TENM3: variants seen among roughly 807,000 people sequenced by gnomAD.
TENM3 encodes the protein teneurin transmembrane protein 3, also known as teneurin-3.
Under a neutral mutation model 255.1 loss-of-function variants are expected in TENM3, and 63 were observed. The ratio of observed to expected loss-of-function variants is 0.25; its 90% confidence interval spans 0.20 to 0.30. TENM3 has a LOEUF of 0.30. TENM3 is among the 10% of genes least tolerant of loss of function. The probability of loss-of-function intolerance (pLI) is 1.00; values close to 1 mark genes in which losing one functional copy is unlikely to be tolerated. For synonymous variants in TENM3, 1,306 were observed against 1,322.3 expected (o/e 0.99, Z 0.27); for missense variants, 2,929 against 3,461.1 (o/e 0.85, Z 3.86).
chr4:181,857,679 G>A, the TENM3 span, among the ~76,000 whole-genome samples: 1 of 151,380 alleles, frequency 6.6e-6, no homozygotes, highest in Non-Finnish European at 1.5e-5. Flanking sequence ...AACCCCTTGA[G>A]CCTGGGAGGC....
chr4:182,355,838 A>T (rs1765488468), intron 3 of TENM3, among the ~76,000 whole-genome samples: 1 of 151,780 alleles, frequency 6.6e-6, no homozygotes, highest in South Asian at 2.1e-4. Context: ...AGTAATTCAC[A>T]TGAGAAGACA....
the TENM3 span, among the ~76,000 whole-genome samples, chr4:181,516,190 C>G: frequency 6.6e-6 from 1 of 151,820 alleles, no homozygotes; most frequent in Non-Finnish European, 1.5e-5. Context: ...GAACAACACA[C>G]ACTGTGGCCT....
the TENM3 span, among the ~76,000 whole-genome samples, chr4:181,513,093 T>G: frequency 6.6e-6 from 1 of 152,224 alleles, no homozygotes; most frequent in Admixed American, 6.5e-5. Flanking sequence ...TCCCGTGGTT[T>G]ACAAAAAGTT....
chr4:181,831,465 T>A, the TENM3 span, among the ~76,000 whole-genome samples: 1 of 148,048 alleles, frequency 6.8e-6, no homozygotes, highest in African/African-American at 2.5e-5. Context: ...CTGAAAGCAT[T>A]AACCTATCAT....
At position 182,480,212 on chromosome 4, in the gene TENM3, C is replaced by T. The variant is rs186606610; in HGVS notation, c.512-120712C>T. Among the ~76,000 whole-genome samples, 4 of 152,074 alleles carry T rather than the reference C, an allele frequency of 2.6e-5. No homozygotes were observed. In the East Asian group the frequency reaches 5.8e-4, roughly 22 times the overall value. On this transcript the variant is annotated intron_variant, in intron 3 of 27. Coordinates refer to ENST00000511685, the MANE Select transcript of TENM3 (RefSeq NM_001080477.4). ...ATTCACTTATTTTGGTCATGCTAAG[C>T]TTCCTTAGTGAAATTGGCACTAAAA...
intron 3 of TENM3, among the ~76,000 whole-genome samples, chr4:182,439,030 C>T (rs1026035893): frequency 4.6e-5 from 7 of 152,202 alleles, no homozygotes; most frequent in African/African-American, 1.7e-4. Flanking sequence ...TGGTCAGGAT[C>T]TTCAGTTTGC....
intron 2 of TENM3, among the ~76,000 whole-genome samples, chr4:182,327,508 A>T (rs1018686333): frequency 8.6e-6 from 1 of 116,908 alleles, no homozygotes; most frequent in East Asian, 2.6e-4. Context: ...TCTAATTATC[A>T]AACTTGAATT....
the TENM3 span, among the ~76,000 whole-genome samples, chr4:181,563,064 T>A: frequency 6.6e-6 from 1 of 152,228 alleles, no homozygotes. Context: ...CTAGCTGCAA[T>A]GGCACCTGGG....
chr4:182,738,204 A>C (rs555906628), intron 17 of TENM3, among the ~76,000 whole-genome samples, 197 bp from the exon 18 acceptor site: 1 of 152,338 alleles, frequency 6.6e-6, no homozygotes, highest in Non-Finnish European at 1.5e-5. Flanking sequence ...ATCAGTGGAA[A>C]ATAATATTTG....
intron 5 of TENM3, among the ~76,000 whole-genome samples, chr4:182,639,951 G>A (rs537675774): frequency 4.6e-5 from 7 of 152,216 alleles, no homozygotes; most frequent in South Asian, 2.1e-4. Flanking sequence ...TTAGCCGGGC[G>A]TGGTGGCGCG....
At chr4:181,535,942 T>C in the TENM3 span, among the ~76,000 whole-genome samples, 3 of 152,138 alleles carry the variant, frequency 2.0e-5, no homozygotes, top group African/African-American at 7.2e-5. Context: ...AGGTATTTTC[T>C]CCTATAGTCC....
chr4:182,584,488 C>G (rs1316478604), intron 3 of TENM3, among the ~76,000 whole-genome samples: 4 of 152,014 alleles, frequency 2.6e-5, no homozygotes, highest in Non-Finnish European at 5.9e-5. Context: ...AGAGTTGAAG[C>G]AAATTTTAGT....
At chr4:182,590,538 C>CAAAAAAAAAAAAAAAAA (rs34681777) in intron 3 of TENM3, among the ~76,000 whole-genome samples, 18 of 79,974 alleles carry the variant, frequency 2.3e-4, no homozygotes, top group Admixed American at 3.2e-4. Context: ...GACCCTGTCT[C>CAAAAAAAAAAAAAAAAA]AAAAAAAAAA....
chr4:182,325,133 TA>T (rs1446292512), intron 2 of TENM3, among the ~76,000 whole-genome samples: 1 of 152,356 alleles, frequency 6.6e-6, no homozygotes, highest in African/African-American at 2.4e-5. Flanking sequence ...ATTCTTTAGC[TA>T]ATTTAATCTG....
At chr4:182,523,781 G>A (rs551994257) in intron 3 of TENM3, among the ~76,000 whole-genome samples, 1 of 152,056 alleles carries the variant, frequency 6.6e-6, no homozygotes, top group East Asian at 1.9e-4. Flanking sequence ...ATTGGAAGGG[G>A]CAAGATTTGA....
At chr4:181,644,750 G>A in the TENM3 span, among the ~76,000 whole-genome samples, 2 of 151,980 alleles carry the variant, frequency 1.3e-5, no homozygotes, top group Non-Finnish European at 2.9e-5. Context: ...ACCCATAAAG[G>A]TGAGTTCAGG....
intron 3 of TENM3, among the ~76,000 whole-genome samples, chr4:182,407,813 A>T (rs898073642): frequency 1.3e-5 from 2 of 152,360 alleles, no homozygotes; most frequent in South Asian, 4.1e-4. Context: ...TTGCTTCTTT[A>T]TGCTATCCTC....
At chr4:182,730,054 G>C in intron 14 of TENM3, 146 bp from the exon 15 acceptor site, 1 of 875,804 alleles carries the variant, frequency 1.1e-6, no homozygotes, top group Non-Finnish European at 1.7e-6. Context: ...CATTGTCTTG[G>C]GAGTATTTCA....
chr4:181,514,331 C>T, the TENM3 span, among the ~76,000 whole-genome samples: 1 of 152,158 alleles, frequency 6.6e-6, no homozygotes, highest in Non-Finnish European at 1.5e-5. Context: ...GTGCCTACCT[C>T]ATTAACATCA....
Sources: allele counts gnomAD v4.1 joint callset (sites outside exome capture counted in the v4.1 genomes callset), GRCh38; gene constraint gnomAD v4.1.1; transcripts MANE v1.5; gene names NCBI Gene and HGNC (gene_info 2026-07-23, HGNC 2026-07-21).